The following CAPN3 variants were observed in gnomAD, a reference collection of about 807,000 sequenced individuals.
CAPN3 encodes calpain 3.
A neutral mutation model predicts 114.0 loss-of-function variants in CAPN3; 88 were observed. The observed-to-expected ratio is 0.77, with a 90% CI of 0.65 to 0.92. The LOEUF is 0.92. Ranked by LOEUF, CAPN3 falls within the 40% of genes least tolerant of loss-of-function variation. The pLI is 0.00. For missense variants in CAPN3, 1,028 were observed against 1,069.0 expected (o/e 0.96, Z 0.53); for synonymous variants, 386 against 382.9 (o/e 1.01, Z -0.09).
chr15:42,388,499 G>A (rs995712159), intron 4 of CAPN3, among the ~76,000 whole-genome samples: 2 of 152,184 alleles, frequency 1.3e-5, no homozygotes, highest in Admixed American at 6.5e-5. Context: ...TAGAGACGGG[G>A]TTTTGCCATG....
rs1595840623 is a variant in CAPN3, at chr15:42,404,636, C to G, written c.1782+859C>G. The G allele has an allele frequency of 3.5e-6, 4 of 1,127,772 alleles. No homozygotes were observed. In the South Asian group the frequency reaches 4.7e-5, roughly 13 times the overall value. The allele number at this position is 1,127,772 out of a possible 1,614,324, so 69.9% of individuals were successfully genotyped here. A position where few individuals can be genotyped will look rare whatever the true frequency, so the allele number is the denominator to read the frequency against. ...AGCACAGAGTGCTGTGTGTTGGGCTCTGTGTGTTGAGGAGTCTTGTGACTG... is the reference window on the plus strand; with the variant it reads ...AGCACAGAGTGCTGTGTGTTGGGCTGTGTGTGTTGAGGAGTCTTGTGACTG... On this transcript the variant is annotated intron_variant, in intron 14 of 23. Transcript: ENST00000397163.
At chr15:42,375,286 C>T (rs2053059874) in intron 1 of CAPN3, among the ~76,000 whole-genome samples, 1 of 151,982 alleles carries the variant, frequency 6.6e-6, no homozygotes. Flanking sequence ...GGAGACCTGC[C>T]TTCTTAATCT....
chr15:42,405,304 T>C (rs2053986451), intron 14 of CAPN3, among the ~76,000 whole-genome samples: 1 of 152,148 alleles, frequency 6.6e-6, no homozygotes, highest in Admixed American at 6.6e-5. Context: ...CATTTTTTTA[T>C]TATTTATTTA....
At chr15:42,393,598 T>TC (rs1392383860) in intron 7 of CAPN3, among the ~76,000 whole-genome samples, 3 of 148,642 alleles carry the variant, frequency 2.0e-5, no homozygotes, top group Admixed American at 1.3e-4. Context: ...TTTCTTTCTT[T>TC]TTTTTTTTTT....
Position 42,409,370 on chromosome 15 carries a change from T to C in CAPN3, c.1982T>C (p.Ile661Thr). 1.2e-6 allele frequency: 2 copies of C among 1,614,158 alleles called. No individual in the cohort carries two copies. Among genetic ancestry groups the C allele is most frequent in the South Asian group, 1.1e-5 (1 of 91,082 alleles). The change falls in exon 17 of 24, where the codon ATA becomes ACA. Residue 661 changes from isoleucine (I) to threonine (T), a missense_variant. Physicochemically the swap from Ile to Thr is moderately conservative, Grantham distance 89. Transcript: ENST00000397163. ...QQQFRNIFKQ[I>T]AGDDMEICAD... ...CAATTCCGGAACATTTTCAAGCAGA[T>C]AGCAGGAGATGTGAGTACCTCCAAG...
chr15:42,374,024 G>A (rs2053023393), intron 1 of CAPN3, among the ~76,000 whole-genome samples: 1 of 152,076 alleles, frequency 6.6e-6, no homozygotes, highest in African/African-American at 2.4e-5. Context: ...TTCCCTAAAG[G>A]TCCTCAGACC....
In CAPN3 at chr15:42,410,630, A is replaced by C; in HGVS notation, c.2227A>C (p.Asn743His). 6.2e-7 allele frequency: 1 copy of C among 1,614,018 alleles called. No homozygotes were observed. The highest frequency in any genetic ancestry group is 8.5e-7 in the Non-Finnish European group (1 of 1,179,990). The change falls in exon 21 of 24, where the codon AAC becomes CAC. Residue 743 changes from asparagine to histidine, a missense_variant. Asn to His is a moderately conservative substitution (Grantham distance 68). Coordinates refer to ENST00000397163, the MANE Select transcript of CAPN3 (RefSeq NM_000070.3). Reference protein sequence around the residue: ...HYDTDQSGTINSYEMRNAVND... With the variant: ...HYDTDQSGTIHSYEMRNAVND... ...TGACACAGACCAGTCCGGCACCATC[A>C]ACAGCTACGAGATGCGAAATGCAGT... is the stretch of plus-strand genomic sequence containing the variant.
Position 42,408,286 on chromosome 15 carries a change from G to A in CAPN3, c.1876G>A (p.Gly626Ser). ...GVDQESEEGK[G>S]KTSPDKQKQS... ...GGACCAGGAGTCAGAGGAGGGCAAA[G>A]GCAAAACAAGCCCTGATAAGCAAAA... The change falls in exon 16 of 24, where the codon GGC (glycine) becomes AGC (serine). Residue 626 changes from glycine (G) to serine (S), a missense_variant. Coordinates refer to ENST00000397163, the MANE Select transcript of CAPN3 (RefSeq NM_000070.3). 6.2e-7 allele frequency: 1 copy of A among 1,613,824 alleles called. No individual in the cohort carries two copies. The highest frequency in any genetic ancestry group is 8.5e-7 in the Non-Finnish European group (1 of 1,179,820).
In CAPN3 at chr15:42,402,814, C is replaced by T. The variant is rs368385372; in HGVS notation, c.1557C>T (p.His519=). ...CTCAGATGCACGGGAACAAGCAGCA[C>T]CTGCAGAAGGACTTCTTCCTGTACA... ...VPKEMHGNKQ[H]LQKDFFLYNA... is the part of the protein sequence containing the mutation. The change falls in exon 13 of 24, where the codon CAC becomes CAT. Residue 519 remains histidine (H), a synonymous_variant. Coordinates refer to ENST00000397163, the MANE Select transcript of CAPN3 (RefSeq NM_000070.3). 2.4e-5 allele frequency: 38 copies of T among 1,614,048 alleles called. No individual in the cohort carries two copies. Among genetic ancestry groups the T allele is most frequent in the Middle Eastern group, 3.3e-4 (2 of 6,084 alleles).
chr15:42,391,416 G>A (rs1313506254), intron 6 of CAPN3, among the ~76,000 whole-genome samples: 1 of 152,040 alleles, frequency 6.6e-6, no homozygotes. Context: ...TAGAACTAAG[G>A]ATTAATGAGT....
rs2141231874 is a variant in CAPN3, at chr15:42,412,135, G to A, written c.*362G>A. On this transcript the variant is annotated 3_prime_UTR_variant, in exon 24 of 24. Coordinates refer to ENST00000397163, the MANE Select transcript of CAPN3 (RefSeq NM_000070.3). ...TGGCACTCAGCACCTCCTTGTGCTA[G>A]AGCCCTCCATCACCTTCACGCTGTC... is the stretch of plus-strand genomic sequence containing the variant. 2 of 1,536,038 alleles carry A rather than the reference G, an allele frequency of 1.3e-6. No homozygotes were observed. The highest frequency in any genetic ancestry group is 4.9e-5 in the East Asian group (2 of 40,912).
chr15:42,394,518 G>A (rs1199356821), intron 8 of CAPN3, among the ~76,000 whole-genome samples, 177 bp downstream of exon 8: 1 of 152,200 alleles, frequency 6.6e-6, no homozygotes, highest in Admixed American at 6.5e-5. Context: ...GCCAGGAGTG[G>A]AAGCGGGGTG....
intron 1 of CAPN3, among the ~76,000 whole-genome samples, chr15:42,362,293 A>C (rs1213873296): frequency 6.6e-6 from 1 of 152,196 alleles, no homozygotes; most frequent in Non-Finnish European, 1.5e-5. Flanking sequence ...CAGAATGGGG[A>C]AAATTAAAAC....
intron 8 of CAPN3, among the ~76,000 whole-genome samples, chr15:42,396,462 G>A (rs1264385284): frequency 6.6e-6 from 1 of 152,020 alleles, no homozygotes; most frequent in African/African-American, 2.4e-5. Context: ...GGCTGGTCTC[G>A]AAATCCTGAC....
chr15:42,385,531 C>CACACAGAGAGAG (rs954375181), intron 2 of CAPN3: 5 of 361,092 alleles, frequency 1.4e-5, no homozygotes, highest in African/African-American at 1.1e-4. Flanking sequence ...TATACACACA[C>CACACAGAGAGAG]AGAGAGAGAG....
chr15:42,389,024 T>C lies in CAPN3; in HGVS notation c.729T>C (p.Asp243=), dbSNP rs1401661948. 1.2e-6 allele frequency: 2 copies of C among 1,613,960 alleles called. No homozygotes were observed. Among genetic ancestry groups the C allele is most frequent in the Non-Finnish European group, 1.7e-6 (2 of 1,180,008 alleles). Residue 243 remains aspartate, a synonymous_variant, in exon 5 of 24, where the codon GAT becomes GAC. Coordinates refer to ENST00000397163, the MANE Select transcript of CAPN3 (RefSeq NM_000070.3). The part of the protein sequence containing the change: ...GGVAEFFEIR[D]APSDMYKIMK... ...TGGCAGAGTTTTTTGAGATCAGGGATGCTCCTAGTGACATGTACAAGATCA... is the reference window on the plus strand; with the variant it reads ...TGGCAGAGTTTTTTGAGATCAGGGACGCTCCTAGTGACATGTACAAGATCA...
At chr15:42,360,367 G>GAAA (rs397962506) in intron 1 of CAPN3, among the ~76,000 whole-genome samples, 1 of 136,582 alleles carries the variant, frequency 7.3e-6, no homozygotes. Flanking sequence ...CTTTCTCTCT[G>GAAA]AAAAAAAAAA....
intron 8 of CAPN3, among the ~76,000 whole-genome samples, chr15:42,394,711 C>T (rs952472877): frequency 6.6e-6 from 1 of 152,060 alleles, no homozygotes; most frequent in African/African-American, 2.4e-5. Context: ...TAGCACTTAC[C>T]TTGTGGGCTG....
At position 42,411,296 on chromosome 15, in the gene CAPN3, A is replaced by G. The variant is rs766630908; in HGVS notation, c.2390A>G (p.His797Arg). 9.9e-6 allele frequency: 16 copies of G among 1,614,170 alleles called. No individual in the cohort carries two copies. In the Admixed American group the frequency reaches 2.3e-4, roughly 24 times the overall value. Residue 797 changes from histidine (H) to arginine (R), a missense_variant, in exon 23 of 24, where the codon CAT becomes CGT. Coordinates refer to ENST00000397163, the MANE Select transcript of CAPN3 (RefSeq NM_000070.3). ...VRLEGMFRAF[H>R]AFDKDGDGII... is the part of the protein sequence containing the mutation. The stretch of plus-strand genomic sequence containing the variant: ...GTGCATTCTTTCACAGGAGCTTTTC[A>G]TGCATTTGACAAGGATGGAGATGGT...
Sources: allele counts gnomAD v4.1 joint callset (sites outside exome capture counted in the v4.1 genomes callset), GRCh38; gene constraint gnomAD v4.1.1; transcripts MANE v1.5; gene names NCBI Gene and HGNC (gene_info 2026-07-23, HGNC 2026-07-21).